Variants in VEGFA observed in about 807,000 individuals in gnomAD.
The protein encoded by VEGFA is vascular endothelial growth factor A, also known as vascular endothelial growth factor A, long form.
A neutral mutation model predicts 49.7 loss-of-function variants in VEGFA; 20 were observed. The ratio of observed to expected loss-of-function variants is 0.40; its 90% confidence interval spans 0.28 to 0.58. The LOEUF is 0.58. Ranked by LOEUF, VEGFA falls within the 20% of genes least tolerant of loss-of-function variation. VEGFA has a pLI of 0.40. For missense variants in VEGFA, 505 were observed against 553.5 expected, an observed-to-expected ratio of 0.91 and a Z score of 0.88; for synonymous variants, 219 against 223.4, an observed-to-expected ratio of 0.98 and a Z score of 0.18.
chr6:43,774,851 C>A (rs1245233031), intron 2 of VEGFA: 1 of 197,230 alleles, frequency 5.1e-6, no homozygotes, highest in Non-Finnish European at 1.1e-5. Context: ...CTCCTCCCTT[C>A]CCTGGTTTGC....
At chr6:43,778,350 C>G in intron 3 of VEGFA, 110 bp from the exon 4 acceptor site, 1 of 919,604 alleles carries the variant, frequency 1.1e-6, no homozygotes, top group Non-Finnish European at 1.8e-6. Flanking sequence ...ACCACCCATC[C>G]CTGCTCTGCA....
chr6:43,772,138 C>T (rs1244121076), intron 1 of VEGFA: 3 of 914,438 alleles, frequency 3.3e-6, no homozygotes, highest in Non-Finnish European at 3.9e-6. Flanking sequence ...ACCATCCCTA[C>T]CCCTTCCTAC....
At chr6:43,772,356 C>T (rs1468810125) in intron 1 of VEGFA, among the ~76,000 whole-genome samples, 1 of 152,252 alleles carries the variant, frequency 6.6e-6, no homozygotes, top group African/African-American at 2.4e-5. Context: ...CGGGAGCCCA[C>T]TGGGCGCTTT....
Position 43,782,229 on chromosome 6 carries a change from C to T in VEGFA, c.1166+142C>T, listed in dbSNP as rs879090582. 5.8e-5 allele frequency: 72 copies of T among 1,231,706 alleles called. No individual in the cohort carries two copies. The South Asian group carries it at 9.0e-4, about 15-fold the overall frequency. 76.3% of individuals were successfully genotyped at this position (1,231,706 alleles called of 1,614,324 possible). A position where few individuals can be genotyped will look rare whatever the true frequency, so the allele number is the denominator to read the frequency against. ...GCTTGCTCAGTTTCTAGCTGCCTGC[C>T]TGGTGACTGCTGCCTTCTCTGCTTT... On this transcript the variant is annotated intron_variant, in intron 7 of 7. Transcript: ENST00000672860.
rs763040028 is a variant in VEGFA, at chr6:43,777,973, C to T, written c.855+308C>T. On this transcript the variant is annotated intron_variant, in intron 3 of 7. Transcript: ENST00000672860. The surrounding 1 kb of genome is among the most constrained non-coding windows in gnomAD (Gnocchi z 4.3). ...CTTGGAGAGAGTCCTGAGTGCCCCC[C>T]CTTCTTGGGGGCTTTGTTTGGGAAG... is the stretch of plus-strand genomic sequence containing the variant. The T allele has an allele frequency of 4.6e-5, 22 of 481,464 alleles. No individual in the cohort carries two copies. The Admixed American group carries it at 5.4e-4, about 12-fold the overall frequency. 29.8% of individuals were successfully genotyped at this position (481,464 alleles called of 1,614,324 possible). A position where few individuals can be genotyped will look rare whatever the true frequency, so the allele number is the denominator to read the frequency against.
chr6:43,774,084 T>C, intron 1 of VEGFA: 1 of 573,430 alleles, frequency 1.7e-6, no homozygotes. Context: ...GTTTTCCTCC[T>C]GCATTTCGAG....
In VEGFA at chr6:43,774,402, C is replaced by T. The variant is rs375467727; in HGVS notation, c.658+10C>T. ...CAGAATCATCACGAAGGTGAGTCCC[C>T]CTGGCTGTTGGATGGGGTTCCCTGT... On this transcript the variant is annotated intron_variant, in intron 2 of 7. Transcript: ENST00000672860. The T allele has an allele frequency of 5.6e-6, 9 of 1,614,132 alleles. No individual in the cohort carries two copies. The East Asian group carries it at 1.8e-4, about 32-fold the overall frequency.
At chr6:43,778,983 G>A in intron 5 of VEGFA, 65 bp downstream of exon 5, 1 of 1,606,264 alleles carries the variant, frequency 6.2e-7, no homozygotes, top group Non-Finnish European at 8.5e-7. Context: ...TGGGGCTCTT[G>A]GCTACCTCTG....
chr6:43,770,821 G>A lies in VEGFA; in HGVS notation c.115G>A (p.Gly39Arg), dbSNP rs1274049043. Reference sequence around the variant, plus strand: ...CGGGCAGGGGCCGGAGCCCGCGCCCGGAGGCGGGGTGGAGGGGGTCGGGGC... The same window carrying A: ...CGGGCAGGGGCCGGAGCCCGCGCCCAGAGGCGGGGTGGAGGGGGTCGGGGC... Residue 39 changes from glycine (G) to arginine (R), a missense_variant, in exon 1 of 8, where the codon GGA (glycine) becomes AGA (arginine). Gly to Arg is a moderately radical substitution (Grantham distance 125). Around this residue, in one of 2 missense-constraint regions of VEGFA, gnomAD observed 340 missense variants for 321.8 expected, o/e 1.06. Coordinates refer to ENST00000672860, the MANE Select transcript of VEGFA (RefSeq NM_003376.6). 3.2e-5 allele frequency: 49 copies of A among 1,513,810 alleles called. No individual in the cohort carries two copies. The highest frequency in any genetic ancestry group is 8.7e-5 in the African/African-American group (6 of 68,916). 93.8% of individuals were successfully genotyped at this position (1,513,810 alleles called of 1,614,324 possible).
At position 43,777,100 on chromosome 6, in the gene VEGFA, C is replaced by T; in HGVS notation, c.659-369C>T. On this transcript the variant is annotated intron_variant, in intron 2 of 7. Coordinates refer to ENST00000672860, the MANE Select transcript of VEGFA (RefSeq NM_003376.6). The surrounding 1 kb of genome is among the most constrained non-coding windows in gnomAD (Gnocchi z 4.3). ...AGCTTGGCAAAGCTGGCTCTTCCTCCTTTTAGGGAAAGCTTAGAGCATCCC... is the reference window on the plus strand; with the variant it reads ...AGCTTGGCAAAGCTGGCTCTTCCTCTTTTTAGGGAAAGCTTAGAGCATCCC... The T allele has an allele frequency of 8.3e-6, 3 of 362,114 alleles. No individual in the cohort carries two copies. Among genetic ancestry groups the T allele is most frequent in the South Asian group, 6.8e-5 (3 of 44,436 alleles). 22.4% of individuals were successfully genotyped at this position (362,114 alleles called of 1,614,324 possible).
chr6:43,782,139 GGA>G (rs142961510), intron 7 of VEGFA, 52 bp downstream of exon 7: 379 of 1,600,522 alleles, frequency 2.4e-4, no homozygotes, highest in Middle Eastern at 5.6e-4. Context: ...ACAGAGATGG[GGA>G]GAGAGAGAGA....
rs1351394084 is a variant in VEGFA at position 43,777,798 on chromosome 6, T to A, written c.855+133T>A. On this transcript the variant is annotated intron_variant, in intron 3 of 7. Transcript: ENST00000672860. The surrounding 1 kb of genome is among the most constrained non-coding windows in gnomAD (Gnocchi z 4.3). The stretch of plus-strand genomic sequence containing the variant: ...CTGCCCCTGAGTTGCACAGGGGAGG[T>A]ATGGTGGGGTCTTGCCTTCTGTGGA... 1 of 950,736 alleles carries A rather than the reference T, an allele frequency of 1.1e-6. No homozygotes were observed. Among genetic ancestry groups the A allele is most frequent in the East Asian group, 2.6e-5 (1 of 37,988 alleles). The allele number at this position is 950,736 out of a possible 1,614,324, so 58.9% of individuals were successfully genotyped here.
Position 43,780,792 on chromosome 6 carries a change from G to A in VEGFA, c.1023G>A (p.Lys341=). Residue 341 remains lysine (K), a synonymous_variant, in exon 6 of 8, where the codon AAG becomes AAA. Transcript: ENST00000672860. ...GAAAGCGCAAGAAATCCCGGTATAA[G>A]TCCTGGAGCGTGTACGTTGGTGCCC... 1 of 1,613,776 alleles carries A rather than the reference G, an allele frequency of 6.2e-7. No homozygotes were observed. Among genetic ancestry groups the A allele is most frequent in the Non-Finnish European group, 8.5e-7 (1 of 1,179,990 alleles).
At position 43,770,583 on chromosome 6, in the gene VEGFA, G is replaced by C; in HGVS notation, c.-124G>C. The C allele has an allele frequency of 7.1e-7, 1 of 1,405,416 alleles. No individual in the cohort carries two copies. The highest frequency in any genetic ancestry group is 1.6e-5 in the South Asian group (1 of 64,450). The allele number at this position is 1,405,416 out of a possible 1,614,324, so 87.1% of individuals were successfully genotyped here. On this transcript the variant is annotated 5_prime_UTR_variant, in exon 1 of 8. Transcript: ENST00000672860. The stretch of plus-strand genomic sequence containing the variant: ...CGAGGAAGAGAGAGACGGGGTCAGA[G>C]AGAGCGCGCGGGCGTGCGAGCAGCG...
intron 5 of VEGFA, chr6:43,780,235 C>G (rs1463478738): frequency 8.6e-6 from 2 of 233,762 alleles, no homozygotes; most frequent in Non-Finnish European, 1.7e-5. Flanking sequence ...AGGCACAAGG[C>G]CTGATACACA....
Position 43,770,823 on chromosome 6 carries a change from A to G in VEGFA, c.117A>G (p.Gly39=), listed in dbSNP as rs2127995756. The G allele has an allele frequency of 6.6e-7, 1 of 1,514,348 alleles. No individual in the cohort carries two copies. The highest frequency in any genetic ancestry group is 8.8e-7 in the Non-Finnish European group (1 of 1,133,288). The allele number at this position is 1,514,348 out of a possible 1,614,324, so 93.8% of individuals were successfully genotyped here. A position where few individuals can be genotyped will look rare whatever the true frequency, so the allele number is the denominator to read the frequency against. ...GGCAGGGGCCGGAGCCCGCGCCCGG[A>G]GGCGGGGTGGAGGGGGTCGGGGCTC... The change falls in exon 1 of 8, where the codon GGA becomes GGG. Residue 39 remains glycine (G), a synonymous_variant. Coordinates refer to ENST00000672860, the MANE Select transcript of VEGFA (RefSeq NM_003376.6).
In VEGFA at chr6:43,784,537, T is replaced by A; in HGVS notation, c.1167-4T>A. On this transcript the variant is annotated splice_polypyrimidine_tract_variant and splice_region_variant and intron_variant, in intron 7 of 7. Transcript: ENST00000672860. ...CCCCAGCCTTTGTTTTCCATTTCCCTCAGATGTGACAAGCCGAGGCGGTGA... is the reference window on the plus strand; with the variant it reads ...CCCCAGCCTTTGTTTTCCATTTCCCACAGATGTGACAAGCCGAGGCGGTGA... 3 of 1,614,108 alleles carry A rather than the reference T, an allele frequency of 1.9e-6. No homozygotes were observed. The highest frequency in any genetic ancestry group is 2.5e-6 in the Non-Finnish European group (3 of 1,180,010).
intron 7 of VEGFA, 106 bp downstream of exon 7, chr6:43,782,193 A>G: frequency 6.7e-7 from 1 of 1,501,978 alleles, no homozygotes; most frequent in Non-Finnish European, 9.0e-7. Flanking sequence ...AGCGCCTGAG[A>G]GGGGCCAGCT....
In VEGFA at chr6:43,784,653, A is replaced by G. The variant is rs372384354; in HGVS notation, c.*91A>G. On this transcript the variant is annotated 3_prime_UTR_variant, in exon 8 of 8. Coordinates refer to ENST00000672860, the MANE Select transcript of VEGFA (RefSeq NM_003376.6). ...ATACAGAACGATCGATACAGAAACC[A>G]CGCTGCCGCCACCACACCATCACCA... 2.1e-5 allele frequency: 33 copies of G among 1,605,130 alleles called. No individual in the cohort carries two copies. The highest frequency in any genetic ancestry group is 2.7e-5 in the Non-Finnish European group (32 of 1,171,946).
Sources: allele counts gnomAD v4.1 joint callset (sites outside exome capture counted in the v4.1 genomes callset), GRCh38; gene constraint gnomAD v4.1.1; regional missense constraint gnomAD v4.1.1; non-coding constraint Gnocchi (gnomAD v3.1); transcripts MANE v1.5; gene names NCBI Gene and HGNC (gene_info 2026-07-23, HGNC 2026-07-21).